The following IQANK1 variants were observed in gnomAD, a reference collection of about 807,000 sequenced individuals.
IQANK1 encodes the protein IQ motif and ankyrin repeat domain-containing protein 1.
IQANK1 carries 30 observed loss-of-function variants against 22.6 expected under a neutral mutation model. The ratio of observed to expected loss-of-function variants is 1.33; its 90% CI spans 0.99 to 1.80. The LOEUF (loss-of-function observed/expected upper bound fraction) is 1.80, where lower values mean the gene tolerates loss of function less well. Ranked by LOEUF, IQANK1 falls within the 40% of genes most tolerant of loss-of-function variation. The pLI is 0.00. For missense variants in IQANK1, 275 were observed against 235.2 expected (o/e 1.17, Z -1.11); for synonymous variants, 122 against 99.6 (o/e 1.23, Z -1.34).
At chr8:143,766,572 G>T (rs1819484283) in intron 3 of IQANK1, among the ~76,000 whole-genome samples, 1 of 152,096 alleles carries the variant, frequency 6.6e-6, no homozygotes, top group African/African-American at 2.4e-5. Context: ...CTGGGAGGCT[G>T]AGGCAGGAGA....
intron 7 of IQANK1, among the ~76,000 whole-genome samples, chr8:143,778,328 C>G (rs1226147792): frequency 6.6e-6 from 1 of 151,920 alleles, no homozygotes; most frequent in Non-Finnish European, 1.5e-5. Flanking sequence ...ACAAATATGC[C>G]AAGATAACAC....
At chr8:143,766,172 A>G (rs549187559) in intron 3 of IQANK1, among the ~76,000 whole-genome samples, 2 of 152,118 alleles carry the variant, frequency 1.3e-5, no homozygotes, top group South Asian at 2.1e-4. Flanking sequence ...ACATTTCCAT[A>G]TATTTATTGG....
chr8:143,748,182 A>G (rs1554627445), intron 3 of IQANK1, among the ~76,000 whole-genome samples: 6 of 151,434 alleles, frequency 4.0e-5, no homozygotes, highest in Non-Finnish European at 8.8e-5. Context: ...TTTTATACAG[A>G]CAGGGCTTTA....
In IQANK1 at chr8:143,735,924, CAA is replaced by C. The variant is rs782404508; in HGVS notation, c.72_73del (p.Arg25SerfsTer27). 1.4e-6 allele frequency: 1 copy of C among 702,634 alleles called. No homozygotes were observed. Among genetic ancestry groups the C allele is most frequent in the South Asian group, 1.5e-5 (1 of 67,584 alleles). 43.5% of individuals were successfully genotyped at this position (702,634 alleles called of 1,614,324 possible). On this transcript the variant is annotated frameshift_variant, in exon 2 of 14. Transcript: ENST00000527139. LOFTEE classifies it high-confidence loss of function. This position sits in a 1 kb window ranked among gnomAD's most constrained non-coding sequence, Gnocchi z 5.2. ...CAGACGCTCCACCCTGGGCCCAAGA[CAA>C]GAGCTGCTGCTGGTAAGTGCACCCT...
intron 3 of IQANK1, among the ~76,000 whole-genome samples, chr8:143,767,917 T>C (rs1378555137): frequency 9.2e-6 from 1 of 108,790 alleles, no homozygotes; most frequent in African/African-American, 3.6e-5. Context: ...AGAGTCTCGC[T>C]CTGTCGCCCA....
chr8:143,748,992 TATATATCATAAATATATATC>T (rs1484523154), intron 3 of IQANK1, among the ~76,000 whole-genome samples: 3 of 71,930 alleles, frequency 4.2e-5, no homozygotes, highest in African/African-American at 1.7e-4. Context: ...CATATATAAA[TATATATCATAAATATATATC>T]ATATATAAAA....
At chr8:143,788,664 G>A (rs1433611156) in intron 7 of IQANK1, among the ~76,000 whole-genome samples, 1 of 152,154 alleles carries the variant, frequency 6.6e-6, no homozygotes, top group Non-Finnish European at 1.5e-5. Flanking sequence ...CCCAGCCACA[G>A]GAGCAGGTTC....
chr8:143,789,329 TG>T (rs1467113886), intron 9 of IQANK1, 86 bp downstream of exon 9: 7 of 502,790 alleles, frequency 1.4e-5, no homozygotes, highest in Non-Finnish European at 2.2e-5. Context: ...GCCAGGAAGC[TG>T]GGGGAAGAGC....
intron 2 of IQANK1, among the ~76,000 whole-genome samples, chr8:143,737,219 G>A (rs1306603154): frequency 4.6e-5 from 7 of 152,344 alleles, no homozygotes; most frequent in African/African-American, 1.7e-4. Flanking sequence ...GGGCAGGGCA[G>A]GTGGACCAGC....
At chr8:143,776,261 C>T (rs1819681699) in intron 7 of IQANK1, among the ~76,000 whole-genome samples, 1 of 135,876 alleles carries the variant, frequency 7.4e-6, no homozygotes. Flanking sequence ...GCAGAGCTTG[C>T]AGTGAGCTGA....
At chr8:143,757,558 C>T (rs1157870716) in intron 3 of IQANK1, among the ~76,000 whole-genome samples, 2 of 152,082 alleles carry the variant, frequency 1.3e-5, no homozygotes, top group Non-Finnish European at 2.9e-5. Context: ...AGGATGGTCT[C>T]GATCTCTTGA....
At chr8:143,787,019 G>A (rs782370162) in intron 7 of IQANK1, among the ~76,000 whole-genome samples, 15 of 152,172 alleles carry the variant, frequency 9.9e-5, no homozygotes, top group Non-Finnish European at 1.6e-4. Context: ...AGGTTTTCAC[G>A]GAGGGCTTGA....
At chr8:143,734,337 A>T (rs943756035) in intron 1 of IQANK1, 118 bp downstream of exon 1, 1 of 151,958 alleles carries the variant, frequency 6.6e-6, no homozygotes, top group East Asian at 2.0e-4. Context: ...CCACACGTAG[A>T]CGAGGACCCC....
rs1270938807 is a variant in IQANK1 at position 143,771,374 on chromosome 8, G to A, written c.176-114G>A. 7 of 384,660 alleles carry A rather than the reference G, an allele frequency of 1.8e-5. No homozygotes were observed. The highest frequency in any genetic ancestry group is 2.7e-5 in the Non-Finnish European group (6 of 220,612). 23.8% of individuals were successfully genotyped at this position (384,660 alleles called of 1,614,324 possible). A position where few individuals can be genotyped will look rare whatever the true frequency, so the allele number is the denominator to read the frequency against. ...GGCCGCGCTGGGGGCTTTGAGAGCC[G>A]TTTGGGTCCTTCTGTCGGGGCGGGG... On this transcript the variant is annotated intron_variant, in intron 3 of 13. Transcript: ENST00000527139. This position sits in a 1 kb window ranked among gnomAD's most constrained non-coding sequence, Gnocchi z 6.0.
intron 3 of IQANK1, chr8:143,744,988 G>C (rs1358165680): frequency 6.6e-6 from 1 of 152,184 alleles, no homozygotes; most frequent in African/African-American, 2.4e-5. Context: ...TACACACCAT[G>C]TTCCCGTCCT....
At chr8:143,742,058 C>T (rs1397799929) in intron 3 of IQANK1, 4 of 297,766 alleles carry the variant, frequency 1.3e-5, no homozygotes, top group South Asian at 3.2e-5. Context: ...TCTGTGCCCT[C>T]GCTGCGGCCG....
intron 3 of IQANK1, among the ~76,000 whole-genome samples, chr8:143,750,293 T>C (rs1244452168): frequency 6.6e-6 from 1 of 152,172 alleles, no homozygotes; most frequent in Non-Finnish European, 1.5e-5. Context: ...TCACCGTCCC[T>C]GACCTCCCTT....
intron 2 of IQANK1, among the ~76,000 whole-genome samples, chr8:143,737,654 T>C (rs1818777847): frequency 6.6e-6 from 1 of 152,120 alleles, no homozygotes; most frequent in Non-Finnish European, 1.5e-5. Context: ...TACCTGGCCT[T>C]GGGTCTGCAG....
At chr8:143,789,097 G>A (rs1819955485) in intron 8 of IQANK1, 34 bp downstream of exon 8, 2 of 401,850 alleles carry the variant, frequency 5.0e-6, no homozygotes, top group East Asian at 7.1e-5. Context: ...GGCGAGGGGT[G>A]CTGGCAAGGG....
Sources: gnomAD v4.1 joint callset for allele counts (sites outside exome capture counted in the v4.1 genomes callset) on GRCh38, gnomAD v4.1.1 for gene constraint, Gnocchi (gnomAD v3.1) non-coding constraint, MANE v1.5 for transcripts, NCBI Gene and HGNC (gene_info 2026-07-23, HGNC 2026-07-21) for gene names.